MAOA: variants seen among roughly 807,000 people sequenced by gnomAD.
MAOA encodes amine oxidase [flavin-containing] A.
A neutral mutation model predicts 42.0 loss-of-function variants in MAOA; 6 were observed. The observed-to-expected ratio is 0.14, with a 90% confidence interval of 0.08 to 0.28. The LOEUF (loss-of-function observed/expected upper bound fraction) is 0.28. MAOA is among the 10% of genes least tolerant of loss of function. The pLI is 1.00. For missense variants in MAOA, 262 were observed against 422.3 expected (o/e 0.62, Z 3.33); for synonymous variants, 140 against 154.0 (o/e 0.91, Z 0.67).
At chrX:43,657,149 A>G (rs1251129836) in intron 1 of MAOA, among the ~76,000 whole-genome samples, 2 of 82,017 alleles carry the variant, frequency 2.4e-5, no homozygotes, top group Non-Finnish European at 4.6e-5. Flanking sequence ...ATATATATGA[A>G]CTGTGTTTAT....
At chrX:43,656,268 T>C (rs192549444), upstream of MAOA, 233 of 981,747 alleles carry the variant, frequency 2.4e-4, no homozygotes, top group African/African-American at 3.9e-3. Context: ...CCGGGGGAGT[T>C]GATAGAAGGG....
intron 9 of MAOA, among the ~76,000 whole-genome samples, 154 bp downstream of exon 9, chrX:43,732,949 A>G (rs1352582929): frequency 8.9e-6 from 1 of 112,535 alleles, no homozygotes; most frequent in Non-Finnish European, 1.9e-5. Context: ...TATTGCAGTA[A>G]TGTTTCGTAT....
intron 9 of MAOA, among the ~76,000 whole-genome samples, chrX:43,733,387 C>T (rs991097248): frequency 4.4e-4 from 49 of 111,263 alleles, no homozygotes; most frequent in African/African-American, 1.6e-3. Flanking sequence ...CTAAAGTGTG[C>T]GGATGACCCA....
At chrX:43,726,420 G>A (rs762625471) in intron 5 of MAOA, among the ~76,000 whole-genome samples, 2 of 111,405 alleles carry the variant, frequency 1.8e-5, no homozygotes, top group African/African-American at 6.5e-5. Context: ...ATTTCATTAA[G>A]TTGATCTTCA....
intron 10 of MAOA, among the ~76,000 whole-genome samples, chrX:43,739,033 T>C (rs989973667): frequency 9.0e-6 from 1 of 111,386 alleles, no homozygotes; most frequent in African/African-American, 3.3e-5. Flanking sequence ...ATTGAGTACC[T>C]ACTATGGGCA....
chrX:43,680,319 G>T (rs2033432759), intron 1 of MAOA, among the ~76,000 whole-genome samples: 1 of 111,348 alleles, frequency 9.0e-6, no homozygotes, highest in South Asian at 3.8e-4. Context: ...CTGTTTAAAA[G>T]ATTTATTGTG....
At chrX:43,665,539 G>A (rs1031244209) in intron 1 of MAOA, among the ~76,000 whole-genome samples, 1 of 111,389 alleles carries the variant, frequency 9.0e-6, no homozygotes, top group Non-Finnish European at 1.9e-5. Context: ...ATGAATTAAG[G>A]GGTAATTGCA....
intron 2 of MAOA, among the ~76,000 whole-genome samples, chrX:43,691,581 C>A (rs775388796): frequency 9.8e-4 from 109 of 110,881 alleles, no homozygotes; most frequent in Non-Finnish European, 1.8e-3. Flanking sequence ...GTGCTTTAAC[C>A]TAAAAATAAA....
chrX:43,661,127 A>G (rs2033230417), intron 1 of MAOA, among the ~76,000 whole-genome samples: 1 of 111,675 alleles, frequency 9.0e-6, no homozygotes, highest in Non-Finnish European at 1.9e-5. Flanking sequence ...CGGTCTCTCA[A>G]AGCAACTCAT....
intron 8 of MAOA, among the ~76,000 whole-genome samples, chrX:43,732,271 A>G: frequency 8.9e-6 from 1 of 111,899 alleles, no homozygotes; most frequent in Non-Finnish European, 1.9e-5. Context: ...TGAGAATTAA[A>G]TGAGGCAGGA....
chrX:43,729,987 A>G (rs1569200606), intron 6 of MAOA, among the ~76,000 whole-genome samples: 6 of 110,127 alleles, frequency 5.4e-5, no homozygotes, highest in Admixed American at 4.9e-4. Flanking sequence ...TGAGGACAGG[A>G]GTTTGAGACC....
intron 5 of MAOA, among the ~76,000 whole-genome samples, chrX:43,716,174 A>G (rs1218315388): frequency 9.0e-6 from 1 of 111,500 alleles, no homozygotes; most frequent in East Asian, 2.9e-4. Context: ...GGTTAAGTAA[A>G]CAGGAAAGGT....
chrX:43,710,133 C>T (rs1194432641), intron 3 of MAOA, among the ~76,000 whole-genome samples: 2 of 112,069 alleles, frequency 1.8e-5, no homozygotes, highest in African/African-American at 3.2e-5. Context: ...ATATCAATAG[C>T]GCTTGCCTTC....
At chrX:43,685,137 C>G (rs963218845) in intron 2 of MAOA, among the ~76,000 whole-genome samples, 1 of 110,912 alleles carries the variant, frequency 9.0e-6, no homozygotes, top group Non-Finnish European at 1.9e-5. Context: ...CTTGAAGCCT[C>G]CCAAAGTGCT....
At chrX:43,738,677 A>T (rs766061472) in intron 10 of MAOA, among the ~76,000 whole-genome samples, 1 of 110,697 alleles carries the variant, frequency 9.0e-6, no homozygotes, top group East Asian at 2.9e-4. Context: ...AAAATTAGCC[A>T]GGCCTGGTGA....
At position 43,731,232 on chromosome X, in the gene MAOA, C is replaced by T; in HGVS notation, c.646-9C>T. ...TAATGTTTCCTTTCTTACCTACCTC[C>T]TCCTGTAGGAACGGAAGTTTGTAGG... On this transcript the variant is annotated splice_polypyrimidine_tract_variant and intron_variant, in intron 6 of 14. Coordinates refer to ENST00000338702, the MANE Select transcript of MAOA (RefSeq NM_000240.4). The T allele has an allele frequency of 8.3e-7, 1 of 1,208,761 alleles. No homozygotes were observed.
chrX:43,669,580 C>T (rs2033311927), intron 1 of MAOA, among the ~76,000 whole-genome samples: 1 of 111,288 alleles, frequency 9.0e-6, no homozygotes, highest in African/African-American at 3.3e-5. Flanking sequence ...TTTTATGCCT[C>T]GTTTCACCCT....
chrX:43,681,803 A>G (rs1480011580), intron 1 of MAOA, among the ~76,000 whole-genome samples: 1 of 104,313 alleles, frequency 9.6e-6, no homozygotes, highest in Non-Finnish European at 2.1e-5. Flanking sequence ...CTAGGAACTA[A>G]GACAGAATTT....
chrX:43,724,883 T>C (rs1032807177), intron 5 of MAOA, among the ~76,000 whole-genome samples: 3 of 112,292 alleles, frequency 2.7e-5, no homozygotes, highest in Admixed American at 1.9e-4. Context: ...GTCTTTGTTC[T>C]CATTCGTTTC....
Sources: gnomAD v4.1 joint callset for allele counts (sites outside exome capture counted in the v4.1 genomes callset) on GRCh38, gnomAD v4.1.1 for gene constraint, MANE v1.5 for transcripts, NCBI Gene and HGNC (gene_info 2026-07-23, HGNC 2026-07-21) for gene names.